The following RB1CC1 variants were observed in gnomAD, a reference collection of about 807,000 sequenced individuals.
RB1CC1 encodes the protein RB1-inducible coiled-coil protein 1.
In RB1CC1, 46 loss-of-function variants were observed where a neutral mutation model predicts 177.5. The observed-to-expected ratio is 0.26, with a 90% CI of 0.20 to 0.33. RB1CC1 has a LOEUF of 0.33. Among genes scored for constraint, RB1CC1 ranks in the 10% least tolerant of loss-of-function variants. The pLI is 1.00. For synonymous variants in RB1CC1, 666 were observed against 613.6 expected, an observed-to-expected ratio of 1.09 and a Z score of -1.26; for missense variants, 1,703 against 1,816.3, an observed-to-expected ratio of 0.94 and a Z score of 1.13.
At chr8:52,647,731 A>G (rs1850178830) in intron 15 of RB1CC1, among the ~76,000 whole-genome samples, 1 of 152,188 alleles carries the variant, frequency 6.6e-6, no homozygotes, top group Non-Finnish European at 1.5e-5. Context: ...GGAGATGTGA[A>G]GGACAGATAG....
intron 16 of RB1CC1, among the ~76,000 whole-genome samples, chr8:52,643,895 AAAGT>A (rs1277523169): frequency 6.6e-6 from 1 of 151,972 alleles, no homozygotes; most frequent in African/African-American, 2.4e-5. Context: ...AGATTTAGGA[AAAGT>A]AATACAGCAT....
Position 52,642,511 on chromosome 8 carries a change from G to A in RB1CC1, c.4177C>T (p.Arg1393Cys), listed in dbSNP as rs746182861. 7 of 1,613,954 alleles carry A rather than the reference G, an allele frequency of 4.3e-6. No individual in the cohort carries two copies. The highest frequency in any genetic ancestry group is 2.2e-5 in the South Asian group (2 of 91,070). Residue 1393 changes from arginine (R) to cysteine (C), a missense_variant, in exon 18 of 24, where the codon CGT becomes TGT. By Grantham distance (180) the Arg-to-Cys change is radical (BLOSUM62 -3). This residue lies in a region of RB1CC1 where 1,169 missense variants were observed against 1,184.7 expected (regional missense o/e 0.99). Transcript: ENST00000025008. ...GGTGAAGGAACAAAACTGCTACTACGCAACTTACTGACTTCTTCTTCAAGC... is the reference window on the plus strand; with the variant it reads ...GGTGAAGGAACAAAACTGCTACTACACAACTTACTGACTTCTTCTTCAAGC... ...KKLEEEVSKLRSSSFVPSPYV... is the reference protein window; with the variant it reads ...KKLEEEVSKLCSSSFVPSPYV...
chr8:52,705,754 T>G (rs1444095739), intron 1 of RB1CC1, among the ~76,000 whole-genome samples: 2 of 152,150 alleles, frequency 1.3e-5, no homozygotes, highest in Admixed American at 1.3e-4. Context: ...ATGGCTTGCT[T>G]GAGCCTGGGA....
intron 1 of RB1CC1, among the ~76,000 whole-genome samples, chr8:52,689,256 A>G (rs558297065): frequency 2.0e-5 from 3 of 152,268 alleles, no homozygotes; most frequent in African/African-American, 7.2e-5. Flanking sequence ...TCTCTCACAT[A>G]TTATCCTAGA....
chr8:52,639,403 G>A (rs903794837), intron 18 of RB1CC1, among the ~76,000 whole-genome samples: 3 of 152,106 alleles, frequency 2.0e-5, no homozygotes, highest in African/African-American at 7.2e-5. Context: ...GATGTACTCT[G>A]TTAATTCTAA....
chr8:52,668,494 G>A (rs1319189339), intron 7 of RB1CC1, among the ~76,000 whole-genome samples: 3 of 152,150 alleles, frequency 2.0e-5, no homozygotes, highest in Non-Finnish European at 4.4e-5. Context: ...TTCAATGTCA[G>A]CATAATATCA....
At position 52,680,657 on chromosome 8, in the gene RB1CC1, G is replaced by C. The variant is rs193060679; in HGVS notation, c.369+2892C>G. On this transcript the variant is annotated intron_variant, in intron 5 of 23. Coordinates refer to ENST00000025008, the MANE Select transcript of RB1CC1 (RefSeq NM_014781.5). ...CTGGAAACAATCTCAATACCTACTA[G>C]TAGCAGAACAGATTTAAAAAAAAAC... 2.9e-3 allele frequency among the ~76,000 whole-genome samples: 444 copies of C among 152,186 alleles called. 8 individuals are homozygous for C. The highest frequency in any genetic ancestry group is 0.02 in the Middle Eastern group (6 of 294).
At position 52,684,026 on chromosome 8, in the gene RB1CC1, A is replaced by G. The variant is rs1854016391; in HGVS notation, c.72-13T>C. ...AAGGTCTGCCACACTTCAAAAAATG[A>G]AATAAAATAAATCAGTTGTTTATAT... is the stretch of plus-strand genomic sequence containing the variant. On this transcript the variant is annotated splice_polypyrimidine_tract_variant and intron_variant, in intron 3 of 23. Coordinates refer to ENST00000025008, the MANE Select transcript of RB1CC1 (RefSeq NM_014781.5). The G allele has an allele frequency of 6.2e-7, 1 of 1,606,394 alleles. No individual in the cohort carries two copies. The highest frequency in any genetic ancestry group is 1.3e-5 in the African/African-American group (1 of 74,696).
chr8:52,698,670 G>GTTTTTTTTTTTTTTT (rs1183407164), intron 1 of RB1CC1, among the ~76,000 whole-genome samples: 1 of 77,400 alleles, frequency 1.3e-5, no homozygotes, highest in Non-Finnish European at 2.4e-5. Context: ...GTAATGGTTG[G>GTTTTTTTTTTTTTTT]TTTTTTTTTT....
intron 1 of RB1CC1, among the ~76,000 whole-genome samples, chr8:52,699,858 T>TATATATATATATATACAC (rs756226534): frequency 9.7e-5 from 10 of 102,784 alleles, no homozygotes; most frequent in East Asian, 7.7e-4. Flanking sequence ...TATATATATA[T>TATATATATATATATACAC]ACACACAAAA....
intron 1 of RB1CC1, among the ~76,000 whole-genome samples, chr8:52,697,869 A>G (rs1855586414): frequency 2.0e-5 from 3 of 152,356 alleles, no homozygotes; most frequent in African/African-American, 7.2e-5. Context: ...AGAGGTAGGT[A>G]AGCAAAGGTT....
chr8:52,642,861 C>T, intron 16 of RB1CC1, 49 bp from the exon 17 acceptor site: 3 of 1,428,422 alleles, frequency 2.1e-6, no homozygotes, highest in Non-Finnish European at 9.2e-7. Context: ...TACTTAGCAG[C>T]TAGGACTTAG....
At position 52,630,897 on chromosome 8, in the gene RB1CC1, C is replaced by T. The variant is rs74363937; in HGVS notation, c.4441-369G>A. On this transcript the variant is annotated intron_variant, in intron 20 of 23. Transcript: ENST00000025008. Reference sequence around the variant, plus strand: ...GTGCTCAGTGTAGCCAAAAGAAACCCACACTTAGAAAATTTCTTGGCAAGG... The same window carrying T: ...GTGCTCAGTGTAGCCAAAAGAAACCTACACTTAGAAAATTTCTTGGCAAGG... 2.4e-3 allele frequency among the ~76,000 whole-genome samples: 368 copies of T among 152,222 alleles called. 2 individuals carry two copies. The highest frequency in any genetic ancestry group is 8.5e-3 in the African/African-American group (352 of 41,536).
chr8:52,658,015 G>C lies in RB1CC1; in HGVS notation c.1903C>G (p.Leu635Val). 6.2e-7 allele frequency: 1 copy of C among 1,614,044 alleles called. No individual in the cohort carries two copies. Among genetic ancestry groups the C allele is most frequent in the Non-Finnish European group, 8.5e-7 (1 of 1,179,988 alleles). Residue 635 changes from leucine to valine, a missense_variant, in exon 14 of 24, where the codon CTA becomes GTA. By Grantham distance (32) the Leu-to-Val change is conservative (BLOSUM62 1). Transcript: ENST00000025008. ...LDEMSQTITD[L>V]LSEQKASVSQ... ...GAATTTGCCTTTTGTTCACTCAGTA[G>C]ATCTGTAATGGTCTGTGACATTTCA...
At chr8:52,712,601 C>A (rs1857152857) in intron 1 of RB1CC1, among the ~76,000 whole-genome samples, 1 of 151,312 alleles carries the variant, frequency 6.6e-6, no homozygotes, top group African/African-American at 2.4e-5. Flanking sequence ...ATAATCATAT[C>A]TTGATTACCA....
At chr8:52,713,911 G>C (rs1857276754) in intron 1 of RB1CC1, among the ~76,000 whole-genome samples, 164 bp downstream of exon 1, 1 of 152,176 alleles carries the variant, frequency 6.6e-6, no homozygotes, top group Non-Finnish European at 1.5e-5. Flanking sequence ...AACACCTGCC[G>C]GGGCGGGAGG....
At chr8:52,649,007 A>G (rs1850316419) in intron 15 of RB1CC1, among the ~76,000 whole-genome samples, 1 of 152,196 alleles carries the variant, frequency 6.6e-6, no homozygotes, top group East Asian at 1.9e-4. Flanking sequence ...GTGTGGATAC[A>G]CTGGACAAAT....
At chr8:52,707,765 C>T (rs944147539) in intron 1 of RB1CC1, among the ~76,000 whole-genome samples, 2 of 152,184 alleles carry the variant, frequency 1.3e-5, no homozygotes, top group East Asian at 3.8e-4. Context: ...CGGTTCAGTA[C>T]TCAGACAGTT....
At chr8:52,650,215 A>G (rs73595490) in intron 15 of RB1CC1, among the ~76,000 whole-genome samples, 3,533 of 152,304 alleles carry the variant, frequency 0.023, 121 homozygotes, top group African/African-American at 0.08. Context: ...TTTCCTCTGC[A>G]TGACAGAGAA....
Sources: gnomAD v4.1 joint callset for allele counts (sites outside exome capture counted in the v4.1 genomes callset) on GRCh38, gnomAD v4.1.1 for gene constraint, gnomAD v4.1.1 regional missense constraint, MANE v1.5 for transcripts, NCBI Gene and HGNC (gene_info 2026-07-23, HGNC 2026-07-21) for gene names.